LEF1: variants seen among roughly 807,000 people sequenced by gnomAD.
The protein encoded by LEF1 is lymphoid enhancer binding factor 1, also known as lymphoid enhancer-binding factor 1.
A neutral mutation model predicts 51.2 loss-of-function variants in LEF1; 14 were observed. The ratio of observed to expected loss-of-function variants is 0.27; its 90% confidence interval spans 0.18 to 0.43. The LOEUF (loss-of-function observed/expected upper bound fraction) is 0.43. Among genes scored for constraint, LEF1 ranks in the 20% least tolerant of loss-of-function variants. LEF1 has a pLI of 1.00. For synonymous variants in LEF1, 185 were observed against 183.2 expected (o/e 1.01, Z -0.08); for missense variants, 386 against 512.0 (o/e 0.75, Z 2.37).
chr4:108,128,240 T>C (rs1323177772), intron 3 of LEF1, among the ~76,000 whole-genome samples: 1 of 152,138 alleles, frequency 6.6e-6, no homozygotes, highest in Non-Finnish European at 1.5e-5. Flanking sequence ...GAAATTTTAC[T>C]AGTGGCAGCA....
chr4:108,099,542 ATGTGTGTGTGTGTATGTGTG>A (rs1740619461), intron 3 of LEF1, among the ~76,000 whole-genome samples: 3 of 117,006 alleles, frequency 2.6e-5, no homozygotes, highest in African/African-American at 1.1e-4. Flanking sequence ...ATATGTGTAT[ATGTGTGTGTGTGTATGTGTG>A]TGTGTGTGTA....
At chr4:108,160,528 CTTAT>C (rs1456348040) in intron 3 of LEF1, among the ~76,000 whole-genome samples, 1 of 152,076 alleles carries the variant, frequency 6.6e-6, no homozygotes, top group Non-Finnish European at 1.5e-5. Flanking sequence ...ACTAAGAATT[CTTAT>C]TTAAAATTCT....
intron 3 of LEF1, among the ~76,000 whole-genome samples, chr4:108,112,210 A>G (rs1246989996): frequency 6.6e-6 from 1 of 152,168 alleles, no homozygotes; most frequent in Non-Finnish European, 1.5e-5. Context: ...ACCCTGTCCT[A>G]TGAGCTTATG....
At chr4:108,100,515 AT>A (rs1166057681) in intron 3 of LEF1, among the ~76,000 whole-genome samples, 1 of 152,132 alleles carries the variant, frequency 6.6e-6, no homozygotes, top group Admixed American at 6.6e-5. Flanking sequence ...CCTGAAGTTT[AT>A]TTTCATTTCC....
chr4:108,109,992 T>G (rs1177709522), intron 3 of LEF1, among the ~76,000 whole-genome samples: 1 of 152,146 alleles, frequency 6.6e-6, no homozygotes, highest in Non-Finnish European at 1.5e-5. Flanking sequence ...TCTCCCAGTA[T>G]TTCAAGCAAT....
chr4:108,074,343 C>A (rs969854987), intron 8 of LEF1, among the ~76,000 whole-genome samples: 1 of 152,002 alleles, frequency 6.6e-6, no homozygotes, highest in Non-Finnish European at 1.5e-5. Flanking sequence ...TTGTACAGTT[C>A]CAAGATAAAA....
At chr4:108,076,304 G>A (rs1256914162) in intron 8 of LEF1, among the ~76,000 whole-genome samples, 1 of 152,056 alleles carries the variant, frequency 6.6e-6, no homozygotes, top group South Asian at 2.1e-4. Context: ...TCCAGAAAGG[G>A]GCTGTACCTA....
chr4:108,087,465 A>T (rs1739726082), intron 4 of LEF1, among the ~76,000 whole-genome samples: 1 of 152,172 alleles, frequency 6.6e-6, no homozygotes, highest in African/African-American at 2.4e-5. Flanking sequence ...ATAACTTAAC[A>T]ATTATGCAAA....
chr4:108,158,437 C>A (rs6817603), intron 3 of LEF1, among the ~76,000 whole-genome samples: 13,870 of 144,786 alleles, frequency 0.096, 2,012 homozygotes, highest in African/African-American at 0.31. Flanking sequence ...AGAGAGAGAG[C>A]GCGCAACCTT....
In LEF1 at chr4:108,110,166, T is replaced by G. The variant is rs913073120; in HGVS notation, c.415-20909A>C. On this transcript the variant is annotated intron_variant, in intron 3 of 11. Coordinates refer to ENST00000265165, the MANE Select transcript of LEF1 (RefSeq NM_016269.5). ...GCAAACAGTTTTCCAAGTAGAAAAT[T>G]AACATTCTCCAAACAATACTTAACT... is the stretch of plus-strand genomic sequence containing the variant. Among the ~76,000 whole-genome samples, 3 of 152,208 alleles carry G rather than the reference T, an allele frequency of 2.0e-5. No individual in the cohort carries two copies. In the East Asian group the frequency reaches 5.8e-4, roughly 29 times the overall value.
At chr4:108,077,055 A>G (rs1395054751) in intron 8 of LEF1, among the ~76,000 whole-genome samples, 1 of 150,832 alleles carries the variant, frequency 6.6e-6, no homozygotes, top group East Asian at 1.9e-4. Context: ...GAATGATAAC[A>G]GGGCCAGAAA....
intron 3 of LEF1, among the ~76,000 whole-genome samples, chr4:108,105,427 C>T (rs1741100902): frequency 2.0e-5 from 3 of 151,960 alleles, no homozygotes; most frequent in African/African-American, 7.3e-5. Flanking sequence ...GTGATCTGCC[C>T]GCCTCAGCCT....
At chr4:108,053,273 G>C (rs1737120550) in intron 11 of LEF1, among the ~76,000 whole-genome samples, 1 of 152,182 alleles carries the variant, frequency 6.6e-6, no homozygotes, top group Non-Finnish European at 1.5e-5. Flanking sequence ...ACAAAAGCCA[G>C]CTTCAGCTCC....
At chr4:108,160,251 G>A (rs984371116) in intron 3 of LEF1, among the ~76,000 whole-genome samples, 2 of 152,194 alleles carry the variant, frequency 1.3e-5, no homozygotes, top group African/African-American at 2.4e-5. Flanking sequence ...AACTAGGGAT[G>A]TAAAGAACTA....
At chr4:108,080,420 G>T (rs999546337) in intron 6 of LEF1, among the ~76,000 whole-genome samples, 1 of 152,126 alleles carries the variant, frequency 6.6e-6, no homozygotes, top group Non-Finnish European at 1.5e-5. Flanking sequence ...AATTCAGCAA[G>T]AACAACATTC....
chr4:108,126,491 C>CT (rs1355633479), intron 3 of LEF1, among the ~76,000 whole-genome samples: 3 of 151,748 alleles, frequency 2.0e-5, no homozygotes, highest in Non-Finnish European at 4.4e-5. Flanking sequence ...TTTTTTTATT[C>CT]TTTTTTAATA....
At chr4:108,068,160 G>A (rs1187514701) in intron 9 of LEF1, among the ~76,000 whole-genome samples, 1 of 151,820 alleles carries the variant, frequency 6.6e-6, no homozygotes, top group Non-Finnish European at 1.5e-5. Flanking sequence ...CCAGTTACTC[G>A]GAAGGCTGAG....
intron 6 of LEF1, 84 bp from the exon 7 acceptor site, chr4:108,079,698 T>C: frequency 7.2e-7 from 1 of 1,386,586 alleles, no homozygotes; most frequent in Non-Finnish European, 1.0e-6. Flanking sequence ...ATCCACTAAC[T>C]GCTACTGGCT....
rs533978062 is a variant in LEF1 at position 108,051,920 on chromosome 4, T to C, written c.*7-3169A>G. ...GTCAACAGCACCGACCCTGGGCCAA[T>C]AGGGCTTTACAGACCCTGACTCAGG... On this transcript the variant is annotated intron_variant, in intron 11 of 11. Coordinates refer to ENST00000265165, the MANE Select transcript of LEF1 (RefSeq NM_016269.5). Among the ~76,000 whole-genome samples, 331 of 152,218 alleles carry C rather than the reference T, an allele frequency of 2.2e-3. 3 individuals carry two copies. The highest frequency in any genetic ancestry group is 0.01 in the Middle Eastern group (3 of 294).
Sources: allele counts gnomAD v4.1 joint callset (sites outside exome capture counted in the v4.1 genomes callset), GRCh38; gene constraint gnomAD v4.1.1; transcripts MANE v1.5; gene names NCBI Gene and HGNC (gene_info 2026-07-23, HGNC 2026-07-21).